LIPA: variants seen among roughly 807,000 people sequenced by gnomAD.
LIPA encodes the protein lysosomal acid lipase/cholesteryl ester hydrolase.
In LIPA, 26 loss-of-function variants were observed where a neutral mutation model predicts 40.6. The observed-to-expected ratio is 0.64, with a 90% CI of 0.47 to 0.89. LIPA has a LOEUF of 0.89. LIPA is among the 40% of genes least tolerant of loss of function. The probability of loss-of-function intolerance (pLI) is 0.00; values close to 1 mark genes in which losing one functional copy is unlikely to be tolerated. For missense variants in LIPA, 455 were observed against 479.6 expected, an observed-to-expected ratio of 0.95 and a Z score of 0.48; for synonymous variants, 188 against 168.4, an observed-to-expected ratio of 1.12 and a Z score of -0.90.
Position 89,223,671 on chromosome 10 carries a change from T to A in LIPA, c.822+13A>T, listed in dbSNP as rs758386565. ...TAAAAAAAAAAATCAAATCTTACTATAAACATGCATACCATATTTAAATTT... is the reference window on the plus strand; with the variant it reads ...TAAAAAAAAAAATCAAATCTTACTAAAAACATGCATACCATATTTAAATTT... On this transcript the variant is annotated intron_variant, in intron 7 of 9. Transcript: ENST00000336233. 1 of 1,592,336 alleles carries A rather than the reference T, an allele frequency of 6.3e-7. No individual in the cohort carries two copies. Among genetic ancestry groups the A allele is most frequent in the Non-Finnish European group, 8.6e-7 (1 of 1,160,550 alleles).
chr10:89,334,478 C>CTTTTTTTTTTTTT lies in LIPA; in HGVS notation c.-2+8120_-2+8132dup, dbSNP rs578154457. On this transcript the variant is annotated intron_variant, in intron 1 of 5. Transcript: ENST00000282673. ...TGTTTTTTCTTCTTTTTCTTTTATT[C>CTTTTTTTTTTTTT]TTTTTTTTTTTTTTTTTTTTTTTTT... 7.9e-4 allele frequency among the ~76,000 whole-genome samples: 20 copies of CTTTTTTTTTTTTT among 25,332 alleles called. 2 individuals carry two copies. Among genetic ancestry groups the CTTTTTTTTTTTTT allele is most frequent in the Admixed American group, 1.7e-3 (3 of 1,768 alleles). The allele number at this position is 25,332 out of a possible 152,430, so 16.6% of individuals were successfully genotyped here.
rs1564778265 is a variant in LIPA, at chr10:89,295,000, A to AGAAAGGAAAGGAAAG, written c.-1-47352_-1-47351insCTTTCCTTTCCTTTC. ...CTGAAAAGAAAAAAGAAAAAAAGGA[A>AGAAAGGAAAGGAAAG]GAAAGGAAAGGAAATGAAATGAAAG... On this transcript the variant is annotated intron_variant, in intron 1 of 5. Coordinates refer to the LIPA transcript ENST00000282673. Among the ~76,000 whole-genome samples, 5 of 101,554 alleles carry AGAAAGGAAAGGAAAG rather than the reference A, an allele frequency of 4.9e-5. No individual in the cohort carries two copies. The South Asian group carries it at 1.9e-3, about 39-fold the overall frequency. The allele number at this position is 101,554 out of a possible 152,430, so 66.6% of individuals were successfully genotyped here. A position where few individuals can be genotyped will look rare whatever the true frequency, so the allele number is the denominator to read the frequency against.
At chr10:89,307,531 G>T (rs1474108195) in intron 1 of LIPA, 9 of 632,576 alleles carry the variant, frequency 1.4e-5, no homozygotes, top group Non-Finnish European at 2.1e-5. Context: ...CACCTGAATT[G>T]CTGGGTCTTG....
chr10:89,364,553 A>G (rs1254925405), intron 2 of LIPA, among the ~76,000 whole-genome samples: 1 of 151,954 alleles, frequency 6.6e-6, no homozygotes, highest in Non-Finnish European at 1.5e-5. Flanking sequence ...ACCTTATAAT[A>G]TAAATTATTA....
chr10:89,394,578 AT>A (rs1844307010), intron 2 of LIPA, among the ~76,000 whole-genome samples: 3 of 14,312 alleles, frequency 2.1e-4, no homozygotes. Flanking sequence ...CTACAGGAAA[AT>A]ATATATATAT....
At chr10:89,303,745 G>A (rs1182292503) in intron 1 of LIPA, among the ~76,000 whole-genome samples, 1 of 152,176 alleles carries the variant, frequency 6.6e-6, no homozygotes, top group Non-Finnish European at 1.5e-5. Context: ...TGTAAAATGA[G>A]AAAGGAGCTA....
In LIPA at chr10:89,236,945, G is replaced by A. The variant is rs369666783; in HGVS notation, c.230-8547C>T. 5.9e-5 allele frequency among the ~76,000 whole-genome samples: 9 copies of A among 152,328 alleles called. No individual in the cohort carries two copies. In the East Asian group the frequency reaches 1.4e-3, roughly 23 times the overall value. On this transcript the variant is annotated intron_variant, in intron 3 of 9. Transcript: ENST00000336233. ...GGAGAATTTAATGCCAATAAAAGAT[G>A]CTTTGATAATTTTACAAAGAGGTTT...
At chr10:89,301,729 T>C (rs890733603) in intron 1 of LIPA, among the ~76,000 whole-genome samples, 23 of 152,176 alleles carry the variant, frequency 1.5e-4, no homozygotes, top group African/African-American at 5.6e-4. Context: ...ATAATTGTAT[T>C]ACAAGTCCCC....
At position 89,319,738 on chromosome 10, in the gene LIPA, A is replaced by T. The variant is rs375434566; in HGVS notation, c.-2+22873T>A. 7.2e-5 allele frequency among the ~76,000 whole-genome samples: 11 copies of T among 152,212 alleles called. No individual in the cohort carries two copies. In the East Asian group the frequency reaches 1.7e-3, roughly 24 times the overall value. On this transcript the variant is annotated intron_variant, in intron 1 of 5. Transcript: ENST00000282673. The stretch of plus-strand genomic sequence containing the variant: ...GTGGCCAGCATCATCCTGATACCAA[A>T]GCCTGGCAGAAACACAACAAAAAAA...
chr10:89,357,769 G>T (rs1402762740), intron 2 of LIPA, among the ~76,000 whole-genome samples: 3 of 152,084 alleles, frequency 2.0e-5, no homozygotes, highest in Non-Finnish European at 2.9e-5. Context: ...TTTAAAGGTA[G>T]CTATGTTCAA....
At chr10:89,334,780 C>T (rs12261273) in intron 1 of LIPA, among the ~76,000 whole-genome samples, 9,419 of 151,924 alleles carry the variant, frequency 0.062, 704 homozygotes, top group African/African-American at 0.18. Context: ...TGTGAGCCAC[C>T]GCGCCCGGCC....
intron 1 of LIPA, among the ~76,000 whole-genome samples, chr10:89,267,962 G>C (rs1280164507): frequency 6.6e-6 from 1 of 152,150 alleles, no homozygotes; most frequent in Admixed American, 6.5e-5. Context: ...TGGGGAATAA[G>C]CTGTGGGTGG....
intron 1 of LIPA, among the ~76,000 whole-genome samples, chr10:89,272,252 C>A (rs1213396010): frequency 6.6e-6 from 1 of 152,152 alleles, no homozygotes; most frequent in Non-Finnish European, 1.5e-5. Flanking sequence ...TCCTCCCACC[C>A]CCTGCCCTCC....
chr10:89,339,444 G>C, intron 1 of LIPA: 2 of 1,614,178 alleles, frequency 1.2e-6, no homozygotes, highest in Middle Eastern at 1.6e-4. Context: ...CTATTGAACT[G>C]TTTCAACGGG....
chr10:89,334,789 C>A (rs1474650128), intron 1 of LIPA, among the ~76,000 whole-genome samples: 2 of 152,074 alleles, frequency 1.3e-5, no homozygotes, highest in Non-Finnish European at 2.9e-5. Flanking sequence ...CCGCGCCCGG[C>A]CACCTAGCTG....
intron 3 of LIPA, among the ~76,000 whole-genome samples, chr10:89,237,227 C>G (rs1462324756): frequency 1.3e-5 from 2 of 152,102 alleles, no homozygotes; most frequent in Non-Finnish European, 2.9e-5. Flanking sequence ...TTACAGTGAG[C>G]TATAATGGTG....
intron 2 of LIPA, among the ~76,000 whole-genome samples, chr10:89,388,930 T>C (rs894068252): frequency 1.3e-5 from 2 of 152,196 alleles, no homozygotes; most frequent in Non-Finnish European, 1.5e-5. Flanking sequence ...AGAAGATATG[T>C]AAATCATCAA....
At chr10:89,367,778 G>A (rs1027753035) in intron 2 of LIPA, among the ~76,000 whole-genome samples, 1 of 152,062 alleles carries the variant, frequency 6.6e-6, no homozygotes, top group Non-Finnish European at 1.5e-5. Context: ...GCTGACTGAG[G>A]TTTTCAGTAC....
intron 1 of LIPA, among the ~76,000 whole-genome samples, chr10:89,275,374 C>T (rs901128764): frequency 6.6e-6 from 1 of 152,156 alleles, no homozygotes; most frequent in African/African-American, 2.4e-5. Flanking sequence ...GCTTCTCCTG[C>T]AGGAGGGGTT....
Sources: gnomAD v4.1 joint callset for allele counts (sites outside exome capture counted in the v4.1 genomes callset) on GRCh38, gnomAD v4.1.1 for gene constraint, MANE v1.5 for transcripts, NCBI Gene and HGNC (gene_info 2026-07-23, HGNC 2026-07-21) for gene names.